Variants in IGDCC3 observed in about 807,000 individuals in gnomAD.
IGDCC3 encodes putative neuronal cell adhesion molecule.
IGDCC3 carries 47 observed loss-of-function variants against 72.0 expected under a neutral mutation model. The ratio of observed to expected loss-of-function variants is 0.65; its 90% confidence interval spans 0.52 to 0.83. The LOEUF (loss-of-function observed/expected upper bound fraction) is 0.83. Ranked by LOEUF, IGDCC3 falls within the 40% of genes least tolerant of loss-of-function variation. IGDCC3 has a pLI of 0.00. For synonymous variants in IGDCC3, 477 were observed against 472.8 expected, an observed-to-expected ratio of 1.01 and a Z score of -0.11; for missense variants, 1,038 against 1,091.3, an observed-to-expected ratio of 0.95 and a Z score of 0.69.
chr15:65,352,740 T>C (rs1324314334), intron 2 of IGDCC3, among the ~76,000 whole-genome samples: 2 of 152,240 alleles, frequency 1.3e-5, no homozygotes, highest in African/African-American at 4.8e-5. Context: ...AAATAATTAT[T>C]ATTGCTGCAC....
chr15:65,335,665 G>A, intron 3 of IGDCC3, 147 bp downstream of exon 3: 1 of 968,604 alleles, frequency 1.0e-6, no homozygotes. Flanking sequence ...TGGATACCCA[G>A]TCTAAACTGT....
At position 65,329,501 on chromosome 15, in the gene IGDCC3, T is replaced by C; in HGVS notation, c.2094A>G (p.Arg698=). 1 of 1,608,354 alleles carries C rather than the reference T, an allele frequency of 6.2e-7. No individual in the cohort carries two copies. The highest frequency in any genetic ancestry group is 8.5e-7 in the Non-Finnish European group (1 of 1,178,602). ...GGCCCAGCTGGCCCCGCTGTCCCCG[T>C]CTCGCCCCATTTAGGGCTAGAATGC... ...DPGILALNGA[R]RGQRGQLGRD... is the part of the protein sequence containing the mutation. The change falls in exon 13 of 14, where the codon AGA becomes AGG. Residue 698 remains arginine (R), a synonymous_variant. Coordinates refer to ENST00000327987, the MANE Select transcript of IGDCC3 (RefSeq NM_004884.4). This position sits in a 1 kb window ranked among gnomAD's most constrained non-coding sequence, Gnocchi z 4.1.
chr15:65,342,246 C>A (rs573196165), intron 2 of IGDCC3, among the ~76,000 whole-genome samples: 1 of 151,770 alleles, frequency 6.6e-6, no homozygotes, highest in Non-Finnish European at 1.5e-5. Flanking sequence ...ATTAGCCGGG[C>A]GTGGTGGCAC....
intron 2 of IGDCC3, among the ~76,000 whole-genome samples, chr15:65,374,554 A>T (rs1014801873): frequency 2.6e-5 from 4 of 152,168 alleles, no homozygotes; most frequent in African/African-American, 9.7e-5. Context: ...CATCATTGAG[A>T]TAATTCTGAA....
At chr15:65,337,501 G>A (rs1567062818) in intron 2 of IGDCC3, among the ~76,000 whole-genome samples, 2 of 152,158 alleles carry the variant, frequency 1.3e-5, no homozygotes, top group Non-Finnish European at 2.9e-5. Flanking sequence ...GTACCTTGGG[G>A]CCCTGGGGGT....
intron 2 of IGDCC3, among the ~76,000 whole-genome samples, chr15:65,346,849 A>C (rs1373686442): frequency 1.3e-5 from 2 of 152,158 alleles, no homozygotes; most frequent in Non-Finnish European, 2.9e-5. Context: ...TAAAATAGGG[A>C]AATGCGAGTT....
chr15:65,346,650 G>C (rs2091127295), intron 2 of IGDCC3, among the ~76,000 whole-genome samples: 1 of 151,990 alleles, frequency 6.6e-6, no homozygotes, highest in African/African-American at 2.4e-5. Flanking sequence ...GTAGAGACAG[G>C]GTCTCACCAT....
In IGDCC3 at chr15:65,330,280, C is replaced by T. The variant is rs2090964240; in HGVS notation, c.1858+13G>A. The T allele has an allele frequency of 6.3e-7, 1 of 1,594,548 alleles. No homozygotes were observed. The highest frequency in any genetic ancestry group is 8.6e-7 in the Non-Finnish European group (1 of 1,164,366). Reference sequence around the variant, plus strand: ...CCACCCACTCAGCCCCGCACTCCATCCCCAGCCCTCACCTGTCCTCTCAGA... The same window carrying T: ...CCACCCACTCAGCCCCGCACTCCATTCCCAGCCCTCACCTGTCCTCTCAGA... On this transcript the variant is annotated intron_variant, in intron 11 of 13. Coordinates refer to ENST00000327987, the MANE Select transcript of IGDCC3 (RefSeq NM_004884.4).
In IGDCC3 at chr15:65,334,827, C is replaced by T. The variant is rs1336835131; in HGVS notation, c.724G>A (p.Val242Met). Residue 242 changes from valine to methionine, a missense_variant, in exon 5 of 14, where the codon GTG becomes ATG. Physicochemically the swap from Val to Met is conservative, Grantham distance 21. Coordinates refer to ENST00000327987, the MANE Select transcript of IGDCC3 (RefSeq NM_004884.4). ...GTCAGGGTGAGGTTCTCAGGCCCCA[C>T]GAGGATGGCTGGCTCCTTGTAGGCC... ...SGAYKEPAILVGPENLTLTVH... is the reference protein window; with the variant it reads ...SGAYKEPAILMGPENLTLTVH... 2.5e-6 allele frequency: 4 copies of T among 1,613,160 alleles called. No individual in the cohort carries two copies. The highest frequency in any genetic ancestry group is 2.7e-5 in the African/African-American group (2 of 74,900).
rs768019642 is a variant in IGDCC3 at position 65,329,779 on chromosome 15, C to A, written c.1944G>T (p.Gly648=). The stretch of plus-strand genomic sequence containing the variant: ...GGACACAGAAGATGATGCAAGTGAC[C>A]CCGATGTGGATGCCGATGACGATGC... ...TTGIVIGIHI[G]VTCIIFCVLF... Residue 648 remains glycine, a synonymous_variant, in exon 12 of 14, where the codon GGG becomes GGT. Transcript: ENST00000327987. The surrounding 1 kb of genome is among the most constrained non-coding windows in gnomAD (Gnocchi z 4.1). The A allele has an allele frequency of 1.2e-6, 2 of 1,614,030 alleles. No individual in the cohort carries two copies. The highest frequency in any genetic ancestry group is 2.7e-5 in the African/African-American group (2 of 74,912).
At chr15:65,363,500 C>T (rs1233780634) in intron 2 of IGDCC3, among the ~76,000 whole-genome samples, 1 of 152,204 alleles carries the variant, frequency 6.6e-6, no homozygotes, top group East Asian at 1.9e-4. Flanking sequence ...CTTGCCCAGC[C>T]CCAGAGTCGG....
chr15:65,346,096 C>T (rs1022944667), intron 2 of IGDCC3, among the ~76,000 whole-genome samples: 1 of 152,230 alleles, frequency 6.6e-6, no homozygotes, highest in African/African-American at 2.4e-5. Flanking sequence ...GGCTTCACTT[C>T]GACTCCCCCA....
intron 8 of IGDCC3, 89 bp from the exon 9 acceptor site, chr15:65,331,303 G>A (rs1024280254): frequency 2.7e-5 from 43 of 1,565,204 alleles, no homozygotes; most frequent in Middle Eastern, 1.7e-4. Context: ...GGGTGCCCGG[G>A]GGGACAGCGG....
intron 2 of IGDCC3, among the ~76,000 whole-genome samples, chr15:65,369,395 C>T (rs1378090575): frequency 3.9e-5 from 6 of 152,202 alleles, no homozygotes; most frequent in Admixed American, 2.0e-4. Flanking sequence ...GGCTTTTCTA[C>T]CACACAACTT....
intron 2 of IGDCC3, among the ~76,000 whole-genome samples, chr15:65,353,262 G>GT (rs531295659): frequency 3.5e-4 from 28 of 79,652 alleles, no homozygotes; most frequent in Admixed American, 7.3e-4. Context: ...TCCTTCCGTT[G>GT]TTTTTTTTAT....
Position 65,372,230 on chromosome 15 carries a change from G to C in IGDCC3, c.409+2867C>G, listed in dbSNP as rs544120255. Among the ~76,000 whole-genome samples the C allele has an allele frequency of 2.0e-5, 3 of 152,296 alleles. No homozygotes were observed. The South Asian group carries it at 6.2e-4, about 32-fold the overall frequency. ...CTGGTCCTCACAGCCGCCCTACCAG[G>C]CAGGATCACATGCACGTTTCACAGG... On this transcript the variant is annotated intron_variant, in intron 2 of 13. Transcript: ENST00000327987.
intron 2 of IGDCC3, among the ~76,000 whole-genome samples, chr15:65,348,924 G>A (rs908342711): frequency 6.6e-6 from 1 of 152,216 alleles, no homozygotes; most frequent in African/African-American, 2.4e-5. Flanking sequence ...CTCAAGAGCT[G>A]ATAGGGTTGC....
At chr15:65,336,824 C>T (rs2091033672) in intron 2 of IGDCC3, among the ~76,000 whole-genome samples, 2 of 152,138 alleles carry the variant, frequency 1.3e-5, no homozygotes, top group Admixed American at 1.3e-4. Flanking sequence ...TGCCCAAACC[C>T]CACCCTGTAA....
intron 2 of IGDCC3, among the ~76,000 whole-genome samples, chr15:65,351,178 A>T (rs1329433344): frequency 1.3e-5 from 2 of 152,252 alleles, no homozygotes; most frequent in Admixed American, 1.3e-4. Flanking sequence ...GAAGCACAAC[A>T]GGTTTTTCTT....
Sources: gnomAD v4.1 joint callset for allele counts (sites outside exome capture counted in the v4.1 genomes callset) on GRCh38, gnomAD v4.1.1 for gene constraint, Gnocchi (gnomAD v3.1) non-coding constraint, MANE v1.5 for transcripts, NCBI Gene and HGNC (gene_info 2026-07-23, HGNC 2026-07-21) for gene names.